EPS15: variants seen among roughly 807,000 people sequenced by gnomAD.
The protein encoded by EPS15 is epidermal growth factor receptor substrate 15.
A neutral mutation model predicts 113.8 loss-of-function variants in EPS15; 72 were observed. The ratio of observed to expected loss-of-function variants is 0.63; its 90% confidence interval spans 0.52 to 0.77. The LOEUF is 0.77. EPS15 is among the 30% of genes least tolerant of loss of function. The pLI, the probability that EPS15 is intolerant of heterozygous loss-of-function variation, is 0.00. For synonymous variants in EPS15, 344 were observed against 363.4 expected, an observed-to-expected ratio of 0.95 and a Z score of 0.61; for missense variants, 1,048 against 1,045.8, an observed-to-expected ratio of 1.00 and a Z score of -0.03.
At chr1:51,450,496 C>T (rs2148486376) in intron 8 of EPS15, among the ~76,000 whole-genome samples, 1 of 151,844 alleles carries the variant, frequency 6.6e-6, no homozygotes, top group Admixed American at 6.5e-5. Flanking sequence ...ACAGTTACTC[C>T]TTTCCTGAGT....
intron 12 of EPS15, among the ~76,000 whole-genome samples, chr1:51,436,930 C>T (rs1301024383): frequency 6.6e-6 from 1 of 152,052 alleles, no homozygotes; most frequent in Non-Finnish European, 1.5e-5. Context: ...ATGAAAAATA[C>T]AGGTCTTGAG....
intron 1 of EPS15, among the ~76,000 whole-genome samples, chr1:51,486,094 A>G (rs1644116289): frequency 6.6e-6 from 1 of 151,618 alleles, no homozygotes. Flanking sequence ...CACCATGCGC[A>G]GTCGAGTCTT....
chr1:51,497,575 C>T (rs766237688), intron 1 of EPS15, among the ~76,000 whole-genome samples: 22 of 152,180 alleles, frequency 1.4e-4, no homozygotes, highest in East Asian at 5.8e-4. Context: ...TAGGCCCACA[C>T]CCAATTCACG....
intron 8 of EPS15, among the ~76,000 whole-genome samples, chr1:51,449,484 A>AAGTTTTCC (rs1653354295): frequency 6.6e-6 from 1 of 151,990 alleles, no homozygotes; most frequent in African/African-American, 2.4e-5. Flanking sequence ...TCATTTATTA[A>AAGTTTTCC]ATGAATGACA....
intron 21 of EPS15, among the ~76,000 whole-genome samples, chr1:51,381,414 G>A (rs1244194321): frequency 6.6e-6 from 1 of 152,108 alleles, no homozygotes; most frequent in Non-Finnish European, 1.5e-5. Context: ...CCAACATGGT[G>A]AAACCCCGTC....
At chr1:51,471,667 T>A (rs367561431) in intron 4 of EPS15, 23 bp downstream of exon 4, 12 of 1,566,676 alleles carry the variant, frequency 7.7e-6, no homozygotes, top group African/African-American at 1.4e-5. Flanking sequence ...AAAAAAAAAA[T>A]CATATGAATA....
Position 51,361,320 on chromosome 1 carries a change from G to A in EPS15, c.2395C>T (p.Pro799Ser), listed in dbSNP as rs750022924. 8.1e-6 allele frequency: 13 copies of A among 1,612,634 alleles called. No homozygotes were observed. Among genetic ancestry groups the A allele is most frequent in the South Asian group, 6.6e-5 (6 of 90,606 alleles). Residue 799 changes from proline to serine, a missense_variant, in exon 24 of 25, where the codon CCC becomes TCC. Pro to Ser is a moderately conservative substitution (Grantham distance 74). Transcript: ENST00000371733. ...TGAAATGGATCATTCAGTTTAAAGG[G>A]ATCAGGAGAATCCAATTTGTTGATG... ...RSINKLDSPD[P>S]FKLNDPFQPF... is the part of the protein sequence containing the mutation.
At chr1:51,483,542 A>G (rs1051820116) in intron 1 of EPS15, among the ~76,000 whole-genome samples, 1 of 151,644 alleles carries the variant, frequency 6.6e-6, no homozygotes, top group Non-Finnish European at 1.5e-5. Context: ...GCACGGTGGC[A>G]TGTGCCTGTA....
intron 12 of EPS15, among the ~76,000 whole-genome samples, chr1:51,438,178 T>C (rs1309237517): frequency 6.6e-6 from 1 of 152,032 alleles, no homozygotes; most frequent in Admixed American, 6.5e-5. Flanking sequence ...AAAATAAAAG[T>C]CCAGGGAAAA....
Position 51,394,364 on chromosome 1 carries a change from AT to A in EPS15, c.2119+16del, listed in dbSNP as rs752392470. The A allele has an allele frequency of 4.5e-6, 7 of 1,540,530 alleles. No individual in the cohort carries two copies. In the African/African-American group the frequency reaches 9.6e-5, roughly 21 times the overall value. ...AAATGTTTAATGTTCAATGAAGTTGATAAATTATTTATTTACCTGAATCGCT... is the reference window on the plus strand; with the variant it reads ...AAATGTTTAATGTTCAATGAAGTTGAAAATTATTTATTTACCTGAATCGCT... On this transcript the variant is annotated intron_variant, in intron 21 of 24. Transcript: ENST00000371733.
chr1:51,403,559 A>G, intron 16 of EPS15, 27 bp from the exon 17 acceptor site: 4 of 1,270,046 alleles, frequency 3.1e-6, no homozygotes, highest in Non-Finnish European at 4.4e-6. Flanking sequence ...CAAGTAGATT[A>G]ACAATATACT....
At chr1:51,484,370 T>C (rs1644081010) in intron 1 of EPS15, among the ~76,000 whole-genome samples, 1 of 152,140 alleles carries the variant, frequency 6.6e-6, no homozygotes, top group Non-Finnish European at 1.5e-5. Context: ...GAGACCAATC[T>C]AGGCAACACA....
intron 10 of EPS15, 33 bp downstream of exon 10, chr1:51,446,927 A>G: frequency 6.5e-7 from 1 of 1,536,486 alleles, no homozygotes; most frequent in Non-Finnish European, 8.8e-7. Context: ...ACAAAACCAT[A>G]TTTTTAAAAA....
Position 51,355,040 on chromosome 1 carries a change from T to C in EPS15, c.*1660A>G. The C allele has an allele frequency of 4.5e-6, 1 of 223,236 alleles. No homozygotes were observed. The highest frequency in any genetic ancestry group is 9.0e-6 in the Non-Finnish European group (1 of 111,516). 13.8% of individuals were successfully genotyped at this position (223,236 alleles called of 1,614,324 possible). A position where few individuals can be genotyped will look rare whatever the true frequency, so the allele number is the denominator to read the frequency against. ...GCAGAAAATCCTTAGGTCACTGGAT[T>C]CGTTTATCAAAATTAAGCCTTGTGA... On this transcript the variant is annotated 3_prime_UTR_variant, in exon 25 of 25. Transcript: ENST00000371733.
In EPS15 at chr1:51,356,224, T is replaced by C. The variant is rs907219532; in HGVS notation, c.*476A>G. On this transcript the variant is annotated 3_prime_UTR_variant, in exon 25 of 25. Coordinates refer to ENST00000371733, the MANE Select transcript of EPS15 (RefSeq NM_001981.3). ...AAATTTAAAAATGCACTTTAGCCAA[T>C]TTGCACCAATCATAAAAGAAATAAG... The C allele has an allele frequency of 4.6e-6, 1 of 216,762 alleles. No individual in the cohort carries two copies. 13.4% of individuals were successfully genotyped at this position (216,762 alleles called of 1,614,324 possible). A position where few individuals can be genotyped will look rare whatever the true frequency, so the allele number is the denominator to read the frequency against.
At chr1:51,469,022 C>T (rs1655057115) in intron 4 of EPS15, among the ~76,000 whole-genome samples, 1 of 151,964 alleles carries the variant, frequency 6.6e-6, no homozygotes, top group Non-Finnish European at 1.5e-5. Flanking sequence ...CCCAACTACT[C>T]AGGAGGCTGA....
chr1:51,394,144 TGATACTG>T (rs1262926114), intron 21 of EPS15: 3 of 301,158 alleles, frequency 1.0e-5, no homozygotes, highest in Non-Finnish European at 1.2e-5. Context: ...ATTGGTTTAC[TGATACTG>T]GGTAGAGTTC....
rs1300075338 is a variant in EPS15 at position 51,357,421 on chromosome 1, TATA to T, written c.2545-578_2545-576del. Among the ~76,000 whole-genome samples, 380 of 68,330 alleles carry T rather than the reference TATA, an allele frequency of 5.6e-3. 6 individuals carry two copies. Among genetic ancestry groups the T allele is most frequent in the East Asian group, 0.05 (86 of 1,728 alleles). The allele number at this position is 68,330 out of a possible 152,430, so 44.8% of individuals were successfully genotyped here. A position where few individuals can be genotyped will look rare whatever the true frequency, so the allele number is the denominator to read the frequency against. On this transcript the variant is annotated intron_variant, in intron 24 of 24. Coordinates refer to ENST00000371733, the MANE Select transcript of EPS15 (RefSeq NM_001981.3). Reference sequence around the variant, plus strand: ...ATATATATATATATATATATATATATATATATTTTTTTTTTTTAAATGTGATAT... The same window carrying T: ...ATATATATATATATATATATATATATTATTTTTTTTTTTTAAATGTGATAT...
intron 21 of EPS15, among the ~76,000 whole-genome samples, chr1:51,375,159 G>A (rs1313231997): frequency 5.3e-5 from 8 of 151,526 alleles, no homozygotes; most frequent in South Asian, 2.1e-4. Context: ...CCGCCACCAC[G>A]CCCGGCTAAT....
Sources: allele counts gnomAD v4.1 joint callset (sites outside exome capture counted in the v4.1 genomes callset), GRCh38; gene constraint gnomAD v4.1.1; transcripts MANE v1.5; gene names NCBI Gene and HGNC (gene_info 2026-07-23, HGNC 2026-07-21).